CHLSN: variants seen among roughly 807,000 people sequenced by gnomAD.
CHLSN encodes the protein protein cholesin.
the CHLSN span, among the ~76,000 whole-genome samples, chr7:1,016,627 AGTAGCGCACG>A: frequency 8.7e-6 from 1 of 114,400 alleles, no homozygotes; most frequent in Non-Finnish European, 1.8e-5. Context: ...GCCAGAGCAC[AGTAGCGCACG>A]CCAGCGCACA....
the CHLSN span, among the ~76,000 whole-genome samples, chr7:1,027,840 G>A: frequency 6.6e-6 from 1 of 152,250 alleles, no homozygotes; most frequent in Non-Finnish European, 1.5e-5. Context: ...AGCCCACCCA[G>A]GGTCCTCAGA....
chr7:1,105,935 G>C, the CHLSN span, among the ~76,000 whole-genome samples: 1 of 152,184 alleles, frequency 6.6e-6, no homozygotes, highest in Admixed American at 6.5e-5. Context: ...GAGTTCGGCC[G>C]TGTCAGAAAG....
the CHLSN span, chr7:997,877 C>A: frequency 2.1e-6 from 3 of 1,422,394 alleles, no homozygotes; most frequent in Non-Finnish European, 2.9e-6. Context: ...AGACAAGACG[C>A]TGCAGCCAAG....
the CHLSN span, chr7:987,328 G>C: frequency 1.3e-6 from 2 of 1,559,200 alleles, no homozygotes; most frequent in Non-Finnish European, 1.7e-6. Context: ...CCACCCAAGC[G>C]GCCCACCCTT....
chr7:985,401 G>T, the CHLSN span: 13 of 1,460,002 alleles, frequency 8.9e-6, no homozygotes, highest in Non-Finnish European at 1.2e-5. Flanking sequence ...GGGGGCCCCA[G>T]TGCTGTCCCC....
At chr7:1,102,661 C>T in the CHLSN span, among the ~76,000 whole-genome samples, 12 of 152,148 alleles carry the variant, frequency 7.9e-5, no homozygotes, top group Admixed American at 1.3e-4. Flanking sequence ...GAGAACCCAG[C>T]GGGCGACCTG....
the CHLSN span, chr7:1,045,776 T>C: frequency 4.6e-5 from 7 of 152,338 alleles, no homozygotes; most frequent in African/African-American, 4.8e-5. Flanking sequence ...CTTAAGAACA[T>C]AGTTTATATG....
At chr7:1,009,276 A>G in the CHLSN span, among the ~76,000 whole-genome samples, 1 of 152,140 alleles carries the variant, frequency 6.6e-6, no homozygotes, top group Non-Finnish European at 1.5e-5. Flanking sequence ...GTCTCTGAGG[A>G]AGCCAGCCAC....
chr7:1,081,727 CG>C, the CHLSN span, among the ~76,000 whole-genome samples: 136 of 115,098 alleles, frequency 1.2e-3, no homozygotes, highest in African/African-American at 5.4e-3. Context: ...GGAGGCCTCT[CG>C]AACCCATGGC....
At chr7:1,039,837 C>T in the CHLSN span, among the ~76,000 whole-genome samples, 1 of 71,644 alleles carries the variant, frequency 1.4e-5, no homozygotes, top group Non-Finnish European at 2.8e-5. Flanking sequence ...AAGAAAAATT[C>T]CTCTGCCTTG....
the CHLSN span, among the ~76,000 whole-genome samples, chr7:1,000,183 G>A: frequency 1.3e-5 from 2 of 152,296 alleles, no homozygotes; most frequent in South Asian, 4.1e-4. Flanking sequence ...GGGGCCCTGA[G>A]GGCGGCCCCT....
chr7:1,052,664 C>T, the CHLSN span, among the ~76,000 whole-genome samples: 1 of 152,166 alleles, frequency 6.6e-6, no homozygotes, highest in East Asian at 1.9e-4. This position sits in a 1 kb window ranked among gnomAD's most constrained non-coding sequence, Gnocchi z 4.2. Flanking sequence ...AGGAGAGGCC[C>T]ACAGGGTCCC....
chr7:1,075,167 G>T, the CHLSN span, among the ~76,000 whole-genome samples: 1 of 152,166 alleles, frequency 6.6e-6, no homozygotes, highest in African/African-American at 2.4e-5. Context: ...AACACGGGAG[G>T]GGTGTGGTTC....
At chr7:988,085 T>C in the CHLSN span, among the ~76,000 whole-genome samples, 1 of 151,894 alleles carries the variant, frequency 6.6e-6, no homozygotes, top group Non-Finnish European at 1.5e-5. Context: ...GTCCTCTCTA[T>C]CCTTGGGGCC....
the CHLSN span, among the ~76,000 whole-genome samples, chr7:999,825 G>A: frequency 6.6e-6 from 1 of 152,236 alleles, no homozygotes; most frequent in African/African-American, 2.4e-5. Context: ...AGAACCGTGG[G>A]CTCCTCCAGC....
the CHLSN span, among the ~76,000 whole-genome samples, chr7:1,095,329 C>T: frequency 9.8e-5 from 14 of 143,408 alleles, no homozygotes; most frequent in Non-Finnish European, 1.5e-4. Flanking sequence ...AGGACAGTCA[C>T]GCAGCAGCCC....
the CHLSN span, among the ~76,000 whole-genome samples, chr7:982,069 GAATT>G: frequency 1.3e-5 from 2 of 152,120 alleles, no homozygotes; most frequent in Non-Finnish European, 2.9e-5. Context: ...AGTATTCCCT[GAATT>G]AATTAAGTAA....
At chr7:1,135,945 A>G in the CHLSN span, among the ~76,000 whole-genome samples, 1 of 125,080 alleles carries the variant, frequency 8.0e-6, no homozygotes, top group South Asian at 2.2e-4. Flanking sequence ...ATAAGTATAT[A>G]TAAATATATA....
chr7:982,143 C>T, the CHLSN span, among the ~76,000 whole-genome samples: 1 of 152,232 alleles, frequency 6.6e-6, no homozygotes, highest in Non-Finnish European at 1.5e-5. Flanking sequence ...ATGAGGCACT[C>T]CCTCCCCGCC....
Sources: gnomAD v4.1 joint callset for allele counts (sites outside exome capture counted in the v4.1 genomes callset) on GRCh38, gnomAD v4.1.1 for gene constraint, Gnocchi (gnomAD v3.1) non-coding constraint, MANE v1.5 for transcripts, NCBI Gene and HGNC (gene_info 2026-07-23, HGNC 2026-07-21) for gene names.